DGCR6L: variants seen among roughly 807,000 people sequenced by gnomAD.
DGCR6L encodes the protein DiGeorge syndrome critical region gene 6 like, also known as protein DGCR6L.
Under a neutral mutation model 31.1 loss-of-function variants are expected in DGCR6L, and 24 were observed. The observed-to-expected ratio is 0.77, with a 90% CI of 0.56 to 1.08. DGCR6L has a LOEUF of 1.08. Ranked by LOEUF, DGCR6L falls within the 50% of genes least tolerant of loss-of-function variation. The pLI is 0.00. For synonymous variants in DGCR6L, 104 were observed against 126.1 expected (o/e 0.82, Z 1.17); for missense variants, 218 against 287.1 (o/e 0.76, Z 1.74).
intron 1 of DGCR6L, 24 bp from the exon 2 acceptor site, chr22:20,319,823 G>GC (rs142800099): frequency 0.025 from 40,716 of 1,600,748 alleles, 1,085 homozygotes; most frequent in East Asian, 0.14. Context: ...GGCGCGGTGA[G>GC]CCCCGGCGGG....
At chr22:20,317,473 C>T (rs1370243997) in intron 2 of DGCR6L, among the ~76,000 whole-genome samples, 1 of 152,252 alleles carries the variant, frequency 6.6e-6, no homozygotes, top group Admixed American at 6.5e-5. Flanking sequence ...AGCAGCCAGT[C>T]GCCCCTGCCA....
At chr22:20,316,697 G>T (rs1449334350) in intron 2 of DGCR6L, among the ~76,000 whole-genome samples, 1 of 152,240 alleles carries the variant, frequency 6.6e-6, no homozygotes, top group African/African-American at 2.4e-5. Context: ...TCCACCCTCA[G>T]TGCTGCCCTT....
rs1056818 is a variant in DGCR6L at position 20,316,148 on chromosome 22, C to T, written c.343G>A (p.Val115Ile). Residue 115 changes from valine (V) to isoleucine (I), a missense_variant, in exon 3 of 5, where the codon GTT becomes ATT. Transcript: ENST00000248879. ...QACRPHNLPV[V>I]QAAQQRELEA... The stretch of plus-strand genomic sequence containing the variant: ...AGTTCTCGCTGCTGAGCCGCCTGAA[C>T]CACAGGCAGGTTGTGGGGCCGGCAG... 1 of 1,611,064 alleles carries T rather than the reference C, an allele frequency of 6.2e-7. No homozygotes were observed. Among genetic ancestry groups the T allele is most frequent in the Admixed American group, 1.7e-5 (1 of 59,858 alleles).
chr22:20,314,704 C>T lies in DGCR6L; in HGVS notation c.634G>A (p.Asp212Asn). 5.6e-6 allele frequency: 9 copies of T among 1,607,792 alleles called. No individual in the cohort carries two copies. The highest frequency in any genetic ancestry group is 7.6e-6 in the Non-Finnish European group (9 of 1,176,874). Reference protein sequence around the residue: ...GPWQSPAAQCDQKGSPVPP With the variant: ...GPWQSPAAQCNQKGSPVPP ...GGTGGGACAGGGCTGCCTTTCTGGT[C>T]ACACTGGGCAGCAGGCGACTGCCAG... Residue 212 changes from aspartate (D) to asparagine (N), a missense_variant, in exon 5 of 5, where the codon GAC (aspartate) becomes AAC (asparagine). Physicochemically the swap from Asp to Asn is conservative, Grantham distance 23 (BLOSUM62 1). Around this residue, in one of 4 missense-constraint regions of DGCR6L, gnomAD observed 58 missense variants for 105.4 expected, o/e 0.55. Transcript: ENST00000248879.
At chr22:20,315,595 T>C in intron 3 of DGCR6L, 119 bp from the exon 4 acceptor site, 9 of 1,440,450 alleles carry the variant, frequency 6.2e-6, no homozygotes, top group Non-Finnish European at 8.4e-6. Flanking sequence ...GCAGCAGCTC[T>C]GACACCACCG....
chr22:20,317,588 TTACTAA>T (rs1280509715), intron 2 of DGCR6L, among the ~76,000 whole-genome samples: 8 of 152,220 alleles, frequency 5.3e-5, no homozygotes, highest in Non-Finnish European at 1.0e-4. Flanking sequence ...GCCCAGGCAG[TTACTAA>T]AACTCCCCAT....
intron 2 of DGCR6L, among the ~76,000 whole-genome samples, chr22:20,319,298 G>A (rs888815484): frequency 1.3e-5 from 2 of 152,224 alleles, no homozygotes; most frequent in African/African-American, 2.4e-5. Context: ...ACTACTGAGG[G>A]GCAATGCTGC....
chr22:20,319,512 A>AT, intron 2 of DGCR6L, 127 bp downstream of exon 2: 1 of 1,445,046 alleles, frequency 6.9e-7, no homozygotes, highest in African/African-American at 1.4e-5. Flanking sequence ...GCGCCCGTTG[A>AT]TTTTGTCAAT....
intron 2 of DGCR6L, chr22:20,318,801 G>T (rs534347441): frequency 5.3e-5 from 8 of 152,252 alleles, no homozygotes; most frequent in African/African-American, 1.7e-4. Context: ...CCTGCAATGC[G>T]CAAGACAGCA....
intron 2 of DGCR6L, among the ~76,000 whole-genome samples, chr22:20,316,521 G>A (rs2051572484): frequency 2.0e-5 from 3 of 152,244 alleles, no homozygotes; most frequent in South Asian, 4.1e-4. Flanking sequence ...CAGGCGGGAG[G>A]GAGGCTGCAG....
At chr22:20,315,765 C>A (rs928507620) in intron 3 of DGCR6L, among the ~76,000 whole-genome samples, 1 of 152,194 alleles carries the variant, frequency 6.6e-6, no homozygotes, top group Admixed American at 6.5e-5. Context: ...ACATGCCAGT[C>A]TCTGGTTGTC....
At chr22:20,315,731 A>T (rs1403537636) in intron 3 of DGCR6L, among the ~76,000 whole-genome samples, 1 of 152,044 alleles carries the variant, frequency 6.6e-6, no homozygotes, top group Non-Finnish European at 1.5e-5. Flanking sequence ...CCACAGGCAC[A>T]CCCTGCCCCA....
intron 2 of DGCR6L, 55 bp downstream of exon 2, chr22:20,319,584 G>GCCCGGAGGCGCCGA (rs2051592961): frequency 6.3e-7 from 1 of 1,590,844 alleles, no homozygotes; most frequent in African/African-American, 1.3e-5. Context: ...ACCAAGAGCT[G>GCCCGGAGGCGCCGA]CCCGGAGGCG....
At chr22:20,314,926 G>C in intron 4 of DGCR6L, 102 bp from the exon 5 acceptor site, 1 of 1,574,796 alleles carries the variant, frequency 6.4e-7, no homozygotes, top group Non-Finnish European at 8.6e-7. Flanking sequence ...CGACCATCCT[G>C]TGAAGCCTGG....
intron 2 of DGCR6L, among the ~76,000 whole-genome samples, chr22:20,317,238 C>T (rs1291276180): frequency 6.6e-6 from 1 of 152,342 alleles, no homozygotes; most frequent in South Asian, 2.1e-4. Context: ...GTACACACCT[C>T]GACGATGGTA....
chr22:20,314,948 C>T, intron 4 of DGCR6L, 124 bp from the exon 5 acceptor site: 1 of 1,550,760 alleles, frequency 6.4e-7, no homozygotes, highest in South Asian at 1.2e-5. Context: ...CATGGCCTGC[C>T]AGGACAGGGT....
rs1192916913 is a variant in DGCR6L, at chr22:20,319,907, G to A, written c.82C>T (p.Leu28=). 4 of 1,610,890 alleles carry A rather than the reference G, an allele frequency of 2.5e-6. No homozygotes were observed. The highest frequency in any genetic ancestry group is 3.4e-6 in the Non-Finnish European group (4 of 1,179,206). The part of the protein sequence containing the change: ...QERHYQLLSA[L]QSLVKELPSS... ...GGCAACTCCTTCACCAGGCTCTGTA[G>A]CGCCGACAGCAACTGGTAGTGTCGC... Residue 28 remains leucine, a synonymous_variant, in exon 1 of 5, where the codon CTA becomes TTA. Transcript: ENST00000248879.
chr22:20,319,810 G>C lies in DGCR6L; in HGVS notation c.111-11C>G, dbSNP rs569826368. The stretch of plus-strand genomic sequence containing the variant: ...CGCTGCTGGAAAGAGCTGCGGGTAG[G>C]GGGGCGCGGTGAGCCCCGGCGGGAA... On this transcript the variant is annotated splice_polypyrimidine_tract_variant and intron_variant, in intron 1 of 4. Transcript: ENST00000248879. 24 of 1,605,956 alleles carry C rather than the reference G, an allele frequency of 1.5e-5. No individual in the cohort carries two copies. The highest frequency in any genetic ancestry group is 1.1e-4 in the East Asian group (5 of 44,492).
chr22:20,319,591 G>A (rs768799810), intron 2 of DGCR6L, 48 bp downstream of exon 2: 7 of 1,598,746 alleles, frequency 4.4e-6, no homozygotes, highest in African/African-American at 4.0e-5. Context: ...GCTGCCCGGA[G>A]GCGCCGACCC....
Sources: gnomAD v4.1 joint callset for allele counts (sites outside exome capture counted in the v4.1 genomes callset) on GRCh38, gnomAD v4.1.1 for gene constraint, gnomAD v4.1.1 regional missense constraint, MANE v1.5 for transcripts, NCBI Gene and HGNC (gene_info 2026-07-23, HGNC 2026-07-21) for gene names.